The following KLHL7 variants were observed in gnomAD, a reference collection of about 807,000 sequenced individuals.
KLHL7 encodes the protein kelch-like protein 7.
In KLHL7, 44 loss-of-function variants were observed where a neutral mutation model predicts 67.4. That is an observed-to-expected ratio of 0.65 (90% CI 0.51 to 0.84). The LOEUF is 0.84. KLHL7 is among the 40% of genes least tolerant of loss of function. The probability of loss-of-function intolerance (pLI) is 0.00; values close to 1 mark genes in which losing one functional copy is unlikely to be tolerated. For missense variants in KLHL7, 362 were observed against 718.1 expected (o/e 0.50, Z 5.67); for synonymous variants, 252 against 243.3 (o/e 1.04, Z -0.33).
chr7:23,109,217 T>C (rs1029968952), intron 1 of KLHL7, among the ~76,000 whole-genome samples: 6 of 152,258 alleles, frequency 3.9e-5, no homozygotes, highest in African/African-American at 7.2e-5. Flanking sequence ...GTCAGTCTTA[T>C]CACTTTAGCC....
intron 1 of KLHL7, chr7:23,106,425 T>TA: frequency 7.8e-7 from 1 of 1,284,148 alleles, no homozygotes; most frequent in Non-Finnish European, 1.0e-6. Flanking sequence ...ATCGGTTGTG[T>TA]AACAGCTCTG....
chr7:23,153,914 G>T (rs920981770), intron 7 of KLHL7, among the ~76,000 whole-genome samples: 6 of 152,196 alleles, frequency 3.9e-5, no homozygotes, highest in Admixed American at 3.9e-4. Context: ...CTTCCAACAT[G>T]CTGTAGATCA....
At chr7:23,143,800 G>A in intron 5 of KLHL7, 51 bp from the exon 6 acceptor site, 1 of 1,545,804 alleles carries the variant, frequency 6.5e-7, no homozygotes, top group Non-Finnish European at 8.9e-7. Flanking sequence ...ATAGGTAATT[G>A]GAAATGTTGC....
At chr7:23,123,925 T>G (rs779637471) in intron 2 of KLHL7, 46 bp downstream of exon 2, 17 of 1,284,686 alleles carry the variant, frequency 1.3e-5, no homozygotes, top group Non-Finnish European at 1.9e-5. Context: ...TCTATGAGAA[T>G]GAAGTAAAAT....
intron 1 of KLHL7, among the ~76,000 whole-genome samples, chr7:23,111,318 T>C (rs1002064714): frequency 3.3e-5 from 5 of 152,102 alleles, no homozygotes; most frequent in Admixed American, 1.3e-4. Context: ...GAATGGCAAG[T>C]TCGAGACTGA....
intron 6 of KLHL7, among the ~76,000 whole-genome samples, chr7:23,144,279 T>C (rs1250267724): frequency 6.6e-6 from 1 of 152,236 alleles, no homozygotes; most frequent in Non-Finnish European, 1.5e-5. Flanking sequence ...ACAATAACTT[T>C]CATGCGCTTT....
intron 7 of KLHL7, among the ~76,000 whole-genome samples, chr7:23,152,803 C>G (rs925206658): frequency 6.6e-6 from 1 of 152,130 alleles, no homozygotes; most frequent in Non-Finnish European, 1.5e-5. Context: ...TTAAGACGGT[C>G]CACTCACATT....
intron 4 of KLHL7, among the ~76,000 whole-genome samples, chr7:23,138,139 G>T (rs1784046803): frequency 6.6e-6 from 1 of 151,576 alleles, no homozygotes; most frequent in African/African-American, 2.4e-5. Context: ...TCGTGCCACT[G>T]CACTCAAGCC....
intron 1 of KLHL7, among the ~76,000 whole-genome samples, chr7:23,111,714 C>G (rs1385736029): frequency 6.8e-6 from 1 of 146,850 alleles, no homozygotes; most frequent in East Asian, 2.0e-4. Context: ...CCAAGCTACT[C>G]AGAAGACTGA....
chr7:23,153,902 T>C (rs1396372271), intron 7 of KLHL7, among the ~76,000 whole-genome samples: 1 of 152,184 alleles, frequency 6.6e-6, no homozygotes, highest in East Asian at 1.9e-4. Context: ...TTTCAAGGGG[T>C]TCTTCCAACA....
chr7:23,111,333 A>T (rs1260546040), intron 1 of KLHL7, among the ~76,000 whole-genome samples: 1 of 152,212 alleles, frequency 6.6e-6, no homozygotes, highest in Non-Finnish European at 1.5e-5. Context: ...GACTGATTAA[A>T]GGTCAGTGTA....
At chr7:23,173,880 A>G in intron 10 of KLHL7, 135 bp from the exon 11 acceptor site, 1 of 863,214 alleles carries the variant, frequency 1.2e-6, no homozygotes, top group Non-Finnish European at 1.9e-6. Flanking sequence ...TTCACTGTAA[A>G]ATTATTACAG....
At chr7:23,146,273 C>A (rs1346165222) in intron 6 of KLHL7, among the ~76,000 whole-genome samples, 1 of 152,184 alleles carries the variant, frequency 6.6e-6, no homozygotes, top group Non-Finnish European at 1.5e-5. Flanking sequence ...CAATTATGAG[C>A]CTTTTCAGGG....
intron 8 of KLHL7, among the ~76,000 whole-genome samples, chr7:23,167,130 T>C (rs554034645): frequency 6.6e-6 from 1 of 151,904 alleles, no homozygotes; most frequent in East Asian, 1.9e-4. Context: ...TTTTTGTCCT[T>C]GGGAAGGAAA....
chr7:23,118,075 A>G, intron 1 of KLHL7: 1 of 1,345,800 alleles, frequency 7.4e-7, no homozygotes, highest in South Asian at 1.2e-5. Flanking sequence ...GCTAATCCTC[A>G]TACAGTGCTT....
intron 7 of KLHL7, among the ~76,000 whole-genome samples, chr7:23,154,880 T>C (rs1784652496): frequency 6.6e-6 from 1 of 152,202 alleles, no homozygotes. Flanking sequence ...AAGTTACCAG[T>C]CTCAGCAGTT....
chr7:23,134,076 A>G (rs942582007), intron 4 of KLHL7, among the ~76,000 whole-genome samples: 1 of 152,104 alleles, frequency 6.6e-6, no homozygotes, highest in African/African-American at 2.4e-5. Flanking sequence ...ATATGATACT[A>G]GCTATGGGTC....
chr7:23,122,249 A>G (rs1359222350), intron 1 of KLHL7, among the ~76,000 whole-genome samples: 2 of 152,044 alleles, frequency 1.3e-5, no homozygotes, highest in African/African-American at 2.4e-5. Context: ...GTTTAACCCT[A>G]TGTTTCATAG....
At chr7:23,163,542 A>G (rs2128469161) in intron 7 of KLHL7, among the ~76,000 whole-genome samples, 1 of 152,386 alleles carries the variant, frequency 6.6e-6, no homozygotes, top group Non-Finnish European at 1.5e-5. Flanking sequence ...AGGGCAAGAT[A>G]CAATGGAGTG....
Sources: allele counts gnomAD v4.1 joint callset (sites outside exome capture counted in the v4.1 genomes callset), GRCh38; gene constraint gnomAD v4.1.1; transcripts MANE v1.5; gene names NCBI Gene and HGNC (gene_info 2026-07-23, HGNC 2026-07-21).